Variants in RBMS1 observed in about 807,000 individuals in gnomAD.
The protein encoded by RBMS1 is RNA-binding motif, single-stranded-interacting protein 1.
A neutral mutation model predicts 62.3 loss-of-function variants in RBMS1; 17 were observed. The ratio of observed to expected loss-of-function variants is 0.27; its 90% CI spans 0.19 to 0.41. RBMS1 has a LOEUF of 0.41. Ranked by LOEUF, RBMS1 falls within the 10% of genes least tolerant of loss-of-function variation. The pLI is 1.00. For synonymous variants in RBMS1, 172 were observed against 170.0 expected (o/e 1.01, Z -0.09); for missense variants, 334 against 504.5 (o/e 0.66, Z 3.24).
intron 1 of RBMS1, among the ~76,000 whole-genome samples, chr2:160,406,554 T>G (rs1438347859): frequency 6.6e-6 from 1 of 152,238 alleles, no homozygotes; most frequent in East Asian, 1.9e-4. Context: ...GTTTTTGTTT[T>G]CTCAACAAGC....
intron 2 of RBMS1, among the ~76,000 whole-genome samples, chr2:160,360,920 A>G (rs1693094271): frequency 6.6e-6 from 1 of 152,234 alleles, no homozygotes; most frequent in South Asian, 2.1e-4. Flanking sequence ...AGAAAATAAA[A>G]CATAGGGACA....
chr2:160,329,993 T>C (rs186294094), intron 2 of RBMS1, among the ~76,000 whole-genome samples: 2 of 152,198 alleles, frequency 1.3e-5, no homozygotes, highest in Non-Finnish European at 2.9e-5. Flanking sequence ...GAGACACTTA[T>C]GAAAAGAACA....
At chr2:160,280,781 G>A (rs1330894892) in intron 10 of RBMS1, among the ~76,000 whole-genome samples, 1 of 150,104 alleles carries the variant, frequency 6.7e-6, no homozygotes, top group Admixed American at 6.6e-5. Flanking sequence ...AAAAACACAT[G>A]AAATACACTA....
At chr2:160,330,757 T>C (rs1452844351) in intron 2 of RBMS1, among the ~76,000 whole-genome samples, 2 of 152,032 alleles carry the variant, frequency 1.3e-5, no homozygotes, top group Non-Finnish European at 2.9e-5. Context: ...CTGCTCACCA[T>C]TCTCCAACAC....
intron 1 of RBMS1, among the ~76,000 whole-genome samples, chr2:160,455,975 G>A (rs1490957801): frequency 1.3e-5 from 2 of 151,756 alleles, no homozygotes; most frequent in Admixed American, 1.3e-4. Flanking sequence ...GAGCCACCGC[G>A]CCCGGCCCAT....
intron 1 of RBMS1, among the ~76,000 whole-genome samples, chr2:160,439,218 C>T (rs575316574): frequency 6.6e-5 from 10 of 151,716 alleles, no homozygotes; most frequent in African/African-American, 1.9e-4. Flanking sequence ...CCCTCTCGGA[C>T]GAGGTGGCTG....
chr2:160,376,613 CT>C (rs908126756), intron 1 of RBMS1, among the ~76,000 whole-genome samples: 4 of 151,640 alleles, frequency 2.6e-5, no homozygotes, highest in South Asian at 4.2e-4. Context: ...CTATGTATTT[CT>C]TTTTTTTATT....
At chr2:160,333,840 G>C (rs1039842542) in intron 2 of RBMS1, among the ~76,000 whole-genome samples, 1 of 152,018 alleles carries the variant, frequency 6.6e-6, no homozygotes, top group South Asian at 2.1e-4. Context: ...TGGAAACTCA[G>C]GAGATAACAA....
At chr2:160,448,939 G>A (rs201297469) in intron 1 of RBMS1, among the ~76,000 whole-genome samples, 100 of 151,878 alleles carry the variant, frequency 6.6e-4, no homozygotes, top group Admixed American at 4.4e-3. Context: ...GCCTCTGCCC[G>A]GTCGCCATCC....
intron 1 of RBMS1, among the ~76,000 whole-genome samples, chr2:160,370,862 GTTT>G (rs1237474236): frequency 7.2e-6 from 1 of 139,298 alleles, no homozygotes; most frequent in African/African-American, 2.9e-5. Flanking sequence ...TGCCTTTAAT[GTTT>G]TTTAAGAAAG....
chr2:160,393,892 G>A (rs748520117), intron 1 of RBMS1, among the ~76,000 whole-genome samples: 4 of 152,124 alleles, frequency 2.6e-5, no homozygotes, highest in Admixed American at 6.5e-5. Context: ...TAAGCTATGC[G>A]ATGTCCTCAC....
chr2:160,409,451 T>C (rs1695932225), intron 1 of RBMS1, among the ~76,000 whole-genome samples: 1 of 152,204 alleles, frequency 6.6e-6, no homozygotes, highest in Non-Finnish European at 1.5e-5. Context: ...GGTGGAACTA[T>C]TTTCTGCTAC....
chr2:160,382,151 G>C (rs1694313519), intron 1 of RBMS1, among the ~76,000 whole-genome samples: 1 of 152,172 alleles, frequency 6.6e-6, no homozygotes, highest in African/African-American at 2.4e-5. Flanking sequence ...AGCTGCTGCA[G>C]TGATTAAAAT....
chr2:160,359,445 CT>C (rs1559440705), intron 2 of RBMS1, among the ~76,000 whole-genome samples: 1 of 152,166 alleles, frequency 6.6e-6, no homozygotes, highest in Non-Finnish European at 1.5e-5. Context: ...CTTGGGTCCC[CT>C]AACTCAAAAT....
intron 1 of RBMS1, chr2:160,407,806 G>C (rs1695837412): frequency 1.0e-6 from 1 of 981,342 alleles, no homozygotes; most frequent in Non-Finnish European, 1.2e-6. Context: ...ATGGACGGGA[G>C]TTCGCGCGCG....
intron 1 of RBMS1, among the ~76,000 whole-genome samples, chr2:160,382,142 G>A (rs934709827): frequency 8.5e-5 from 13 of 152,176 alleles, no homozygotes; most frequent in Non-Finnish European, 1.8e-4. Context: ...AAACCATGAA[G>A]CTGCTGCAGT....
chr2:160,327,750 G>C (rs568746210), intron 2 of RBMS1, among the ~76,000 whole-genome samples: 1 of 152,218 alleles, frequency 6.6e-6, no homozygotes, highest in East Asian at 1.9e-4. Flanking sequence ...AATAATATGT[G>C]CCGAAAATGA....
intron 1 of RBMS1, among the ~76,000 whole-genome samples, chr2:160,437,944 G>A (rs1391718058): frequency 2.5e-5 from 2 of 79,928 alleles, no homozygotes; most frequent in African/African-American, 4.4e-5. Flanking sequence ...TTAAAAGGCA[G>A]GAGAATCACC....
chr2:160,324,895 TATATATATATATACACACACAC>T (rs1452020663), intron 2 of RBMS1, among the ~76,000 whole-genome samples: 1 of 117,496 alleles, frequency 8.5e-6, no homozygotes, highest in Non-Finnish European at 1.8e-5. Flanking sequence ...TATATATATA[TATATATATATATACACACACAC>T]ACACACACAC....
Sources: gnomAD v4.1 joint callset for allele counts (sites outside exome capture counted in the v4.1 genomes callset) on GRCh38, gnomAD v4.1.1 for gene constraint, MANE v1.5 for transcripts, NCBI Gene and HGNC (gene_info 2026-07-23, HGNC 2026-07-21) for gene names.